Variants in FOXK1 observed in about 807,000 individuals in gnomAD.
FOXK1 encodes the protein forkhead box protein K1.
FOXK1 carries 19 observed loss-of-function variants against 51.9 expected under a neutral mutation model. The ratio of observed to expected loss-of-function variants is 0.37; its 90% confidence interval spans 0.26 to 0.54. The LOEUF (loss-of-function observed/expected upper bound fraction) is 0.54, where lower values mean the gene tolerates loss of function less well. Among genes scored for constraint, FOXK1 ranks in the 20% least tolerant of loss-of-function variants. The pLI, the probability that FOXK1 is intolerant of heterozygous loss-of-function variation, is 0.87. For missense variants in FOXK1, 870 were observed against 1,032.7 expected (o/e 0.84, Z 2.16); for synonymous variants, 537 against 482.6 (o/e 1.11, Z -1.48).
rs532363534 is a variant in FOXK1 at position 4,762,564 on chromosome 7, C to T, written c.*100C>T. 2 of 1,256,030 alleles carry T rather than the reference C, an allele frequency of 1.6e-6. No homozygotes were observed. Among genetic ancestry groups the T allele is most frequent in the East Asian group, 2.6e-5 (1 of 39,012 alleles). The allele number at this position is 1,256,030 out of a possible 1,614,324, so 77.8% of individuals were successfully genotyped here. On this transcript the variant is annotated 3_prime_UTR_variant, in exon 9 of 9. Coordinates refer to ENST00000328914, the MANE Select transcript of FOXK1 (RefSeq NM_001037165.2). The surrounding 1 kb of genome is among the most constrained non-coding windows in gnomAD (Gnocchi z 5.7). ...GCACCCACAGACGGAGGAGAACAGC[C>T]CGCGGCGGCCTGTGGGCATCGGCGG...
At chr7:4,728,153 GC>G (rs1225120475) in intron 1 of FOXK1, among the ~76,000 whole-genome samples, 3 of 152,182 alleles carry the variant, frequency 2.0e-5, no homozygotes, top group Non-Finnish European at 2.9e-5. Flanking sequence ...TCTGTTGGCA[GC>G]CCCCCGCCTC....
rs531201119 is a variant in FOXK1 at position 4,724,989 on chromosome 7, G to A, written c.561-15849G>A. 4.6e-4 allele frequency among the ~76,000 whole-genome samples: 70 copies of A among 152,324 alleles called. 1 individual carries two copies. The South Asian group carries it at 0.012, about 27-fold the overall frequency. On this transcript the variant is annotated intron_variant, in intron 1 of 8. Coordinates refer to ENST00000328914, the MANE Select transcript of FOXK1 (RefSeq NM_001037165.2). ...AGTGGGGACAGGGAGAGGAGAAGTG[G>A]GTTTGGGGGGAGCCCCGCCCTCCTA...
rs931175992 is a variant in FOXK1, at chr7:4,745,140, G to T, written c.746+4117G>T. Among the ~76,000 whole-genome samples the T allele has an allele frequency of 1.3e-5, 2 of 152,196 alleles. No individual in the cohort carries two copies. Among genetic ancestry groups the T allele is most frequent in the African/African-American group, 4.8e-5 (2 of 41,446 alleles). ...CCTAACAGATCGGGAGGTGGGAGCGGGGCCAGGCCAGAAGAGCTGGCTGCC... is the reference window on the plus strand; with the variant it reads ...CCTAACAGATCGGGAGGTGGGAGCGTGGCCAGGCCAGAAGAGCTGGCTGCC... On this transcript the variant is annotated intron_variant, in intron 2 of 8. Coordinates refer to ENST00000328914, the MANE Select transcript of FOXK1 (RefSeq NM_001037165.2). The surrounding 1 kb of genome is among the most constrained non-coding windows in gnomAD (Gnocchi z 4.3).
rs889195867 is a variant in FOXK1 at position 4,730,030 on chromosome 7, G to A, written c.561-10808G>A. Reference sequence around the variant, plus strand: ...AAAAAGAAAAGGAAAAAGAAAGCCCGGCTTCGGTCAGACCGTTGTCTGCGT... The same window carrying A: ...AAAAAGAAAAGGAAAAAGAAAGCCCAGCTTCGGTCAGACCGTTGTCTGCGT... On this transcript the variant is annotated intron_variant, in intron 1 of 8. Coordinates refer to ENST00000328914, the MANE Select transcript of FOXK1 (RefSeq NM_001037165.2). This position sits in a 1 kb window ranked among gnomAD's most constrained non-coding sequence, Gnocchi z 4.7. Among the ~76,000 whole-genome samples the A allele has an allele frequency of 2.6e-5, 4 of 152,240 alleles. No individual in the cohort carries two copies. The South Asian group carries it at 6.2e-4, about 24-fold the overall frequency.
In FOXK1 at chr7:4,767,647, G is replaced by C. The variant is rs964346110; in HGVS notation, c.*5183G>C. On this transcript the variant is annotated 3_prime_UTR_variant, in exon 9 of 9. Transcript: ENST00000328914. This position sits in a 1 kb window ranked among gnomAD's most constrained non-coding sequence, Gnocchi z 6.6. The stretch of plus-strand genomic sequence containing the variant: ...AATATAACAAATGGTCTCTCGCCCG[G>C]TTCTGTCCCTTATTTTTAGATTGTT... 3.3e-5 allele frequency: 5 copies of C among 152,138 alleles called. No homozygotes were observed. The highest frequency in any genetic ancestry group is 1.2e-4 in the African/African-American group (5 of 41,428). The allele number at this position is 152,138 out of a possible 1,614,324, so 9.4% of individuals were successfully genotyped here.
chr7:4,759,337 A>G lies in FOXK1; in HGVS notation c.1438A>G (p.Ile480Val). 2 of 1,601,748 alleles carry G rather than the reference A, an allele frequency of 1.2e-6. No homozygotes were observed. Among genetic ancestry groups the G allele is most frequent in the Non-Finnish European group, 1.7e-6 (2 of 1,178,760 alleles). Reference sequence around the variant, plus strand: ...CTCCCCCGTCAGCGCCCAGCCAGTGATCATGGCCGTGCCTCCCCGACCGTC... The same window carrying G: ...CTCCCCCGTCAGCGCCCAGCCAGTGGTCATGGCCGTGCCTCCCCGACCGTC... ...PGSPVSAQPV[I>V]MAVPPRPSSL... is the part of the protein sequence containing the mutation. The change falls in exon 7 of 9, where the codon ATC (isoleucine) becomes GTC (valine). Residue 480 changes from isoleucine to valine, a missense_variant. Around this residue, in one of 3 missense-constraint regions of FOXK1, gnomAD observed 457 missense variants for 510.8 expected, o/e 0.89. Coordinates refer to ENST00000328914, the MANE Select transcript of FOXK1 (RefSeq NM_001037165.2).
At chr7:4,684,546 C>T (rs1258529105) in intron 1 of FOXK1, among the ~76,000 whole-genome samples, 1 of 152,116 alleles carries the variant, frequency 6.6e-6, no homozygotes, top group Non-Finnish European at 1.5e-5. Flanking sequence ...TTGTTCTTTG[C>T]CTCAGATATT....
At position 4,729,138 on chromosome 7, in the gene FOXK1, G is replaced by A. The variant is rs772098014; in HGVS notation, c.561-11700G>A. Among the ~76,000 whole-genome samples the A allele has an allele frequency of 2.6e-5, 4 of 152,318 alleles. No individual in the cohort carries two copies. The highest frequency in any genetic ancestry group is 4.4e-5 in the Non-Finnish European group (3 of 68,036). On this transcript the variant is annotated intron_variant, in intron 1 of 8. Transcript: ENST00000328914. The surrounding 1 kb of genome is among the most constrained non-coding windows in gnomAD (Gnocchi z 6.2). ...CTTAAAGAGCCTAGTCCATCTTTACGCGGTCTTTTTACGTCTGTTTAAGCC... is the reference window on the plus strand; with the variant it reads ...CTTAAAGAGCCTAGTCCATCTTTACACGGTCTTTTTACGTCTGTTTAAGCC...
rs115529789 is a variant in FOXK1, at chr7:4,707,649, C to G, written c.560+24781C>G. Among the ~76,000 whole-genome samples, 1,031 of 151,282 alleles carry G rather than the reference C, an allele frequency of 6.8e-3. 18 individuals carry two copies. The highest frequency in any genetic ancestry group is 0.024 in the African/African-American group (1,002 of 41,070). On this transcript the variant is annotated intron_variant, in intron 1 of 8. Coordinates refer to ENST00000328914, the MANE Select transcript of FOXK1 (RefSeq NM_001037165.2). The surrounding 1 kb of genome is among the most constrained non-coding windows in gnomAD (Gnocchi z 4.1). ...AGTTGGCGTGTTCCCCGGTGCCATT[C>G]GTATCTGATTCATGCGTGTGCGACC...
At chr7:4,719,410 G>T (rs1265001616) in intron 1 of FOXK1, among the ~76,000 whole-genome samples, 1 of 152,202 alleles carries the variant, frequency 6.6e-6, no homozygotes, top group Non-Finnish European at 1.5e-5. Context: ...AACGTGCTGG[G>T]ATTACAGGTG....
rs1297233979 is a variant in FOXK1 at position 4,735,305 on chromosome 7, C to A, written c.561-5533C>A. ...GGAAAAACCCAGGGCTGGAGTAGAC[C>A]CTCAGTGTGGGAGCTTTTGGGCAAG... On this transcript the variant is annotated intron_variant, in intron 1 of 8. Transcript: ENST00000328914. The surrounding 1 kb of genome is among the most constrained non-coding windows in gnomAD (Gnocchi z 4.7). Among the ~76,000 whole-genome samples, 1 of 152,156 alleles carries A rather than the reference C, an allele frequency of 6.6e-6. No homozygotes were observed. The highest frequency in any genetic ancestry group is 2.4e-5 in the African/African-American group (1 of 41,426).
intron 1 of FOXK1, among the ~76,000 whole-genome samples, chr7:4,736,644 C>A (rs1780555767): frequency 6.6e-6 from 1 of 152,118 alleles, no homozygotes; most frequent in African/African-American, 2.4e-5. Context: ...GAACTCCTGA[C>A]CTCAGGTGAT....
chr7:4,710,875 G>C (rs1780165588), intron 1 of FOXK1, among the ~76,000 whole-genome samples: 1 of 152,096 alleles, frequency 6.6e-6, no homozygotes, highest in African/African-American at 2.4e-5. Flanking sequence ...TTTCCCATTT[G>C]TTTTCAGCTT....
chr7:4,709,537 G>A lies in FOXK1; in HGVS notation c.560+26669G>A, dbSNP rs1423803959. ...TCGAGGCTGGCCCGTGACCGGGGCA[G>A]GCGGACCTTCTCCGGGAGCCCTGTG... On this transcript the variant is annotated intron_variant, in intron 1 of 8. Transcript: ENST00000328914. This position sits in a 1 kb window ranked among gnomAD's most constrained non-coding sequence, Gnocchi z 5.6. Among the ~76,000 whole-genome samples, 2 of 152,238 alleles carry A rather than the reference G, an allele frequency of 1.3e-5. No individual in the cohort carries two copies. Among genetic ancestry groups the A allele is most frequent in the African/African-American group, 4.8e-5 (2 of 41,470 alleles).
rs1044917216 is a variant in FOXK1, at chr7:4,711,422, C to T, written c.560+28554C>T. On this transcript the variant is annotated intron_variant, in intron 1 of 8. Transcript: ENST00000328914. This position sits in a 1 kb window ranked among gnomAD's most constrained non-coding sequence, Gnocchi z 6.3. ...GCCGCCAGCTCTCCCTGGAGTGATT[C>T]CTGGATGTTGAGGAGGGAGAGATCT... Among the ~76,000 whole-genome samples, 4 of 152,008 alleles carry T rather than the reference C, an allele frequency of 2.6e-5. No individual in the cohort carries two copies. The highest frequency in any genetic ancestry group is 5.9e-5 in the Non-Finnish European group (4 of 68,000).
At chr7:4,721,886 C>T (rs1395225705) in intron 1 of FOXK1, among the ~76,000 whole-genome samples, 6 of 152,172 alleles carry the variant, frequency 3.9e-5, no homozygotes, top group South Asian at 2.1e-4. Context: ...CCACCACGCC[C>T]GGCCTGTTTT....
At chr7:4,696,768 C>T (rs938680436) in intron 1 of FOXK1, among the ~76,000 whole-genome samples, 1 of 152,080 alleles carries the variant, frequency 6.6e-6, no homozygotes, top group African/African-American at 2.4e-5. Flanking sequence ...GAATGGTGGG[C>T]AGAAAATGCC....
rs1447782444 is a variant in FOXK1 at position 4,740,927 on chromosome 7, C to T, written c.650C>T (p.Pro217Leu). The change falls in exon 2 of 9, where the codon CCA (proline) becomes CTA (leucine). Residue 217 changes from proline to leucine, a missense_variant. Pro to Leu is a moderately conservative substitution (Grantham distance 98). This residue lies in a region of FOXK1 where 399 missense variants were observed against 475.6 expected (regional missense o/e 0.84). Coordinates refer to ENST00000328914, the MANE Select transcript of FOXK1 (RefSeq NM_001037165.2). Reference sequence around the variant, plus strand: ...GAGGCCCCAGCCTCCCCGCTGCGGCCACTGTACCCCCAGATCTCCCCTCTG... The same window carrying T: ...GAGGCCCCAGCCTCCCCGCTGCGGCTACTGTACCCCCAGATCTCCCCTCTG... The part of the protein sequence containing the change: ...KEEAPASPLR[P>L]LYPQISPLKI... 1 of 1,586,916 alleles carries T rather than the reference C, an allele frequency of 6.3e-7. No homozygotes were observed. The highest frequency in any genetic ancestry group is 8.6e-7 in the Non-Finnish European group (1 of 1,168,450).
Position 4,749,293 on chromosome 7 carries a change from C to A in FOXK1, c.747-5166C>A, listed in dbSNP as rs185175708. ...CTCCCGTAGGCTTCCCTGGGTCCCT[C>A]TTCTCTTCTGTTTTGCACCATGTTC... On this transcript the variant is annotated intron_variant, in intron 2 of 8. Transcript: ENST00000328914. The surrounding 1 kb of genome is among the most constrained non-coding windows in gnomAD (Gnocchi z 6.0). Among the ~76,000 whole-genome samples the A allele has an allele frequency of 2.6e-5, 4 of 152,208 alleles. No individual in the cohort carries two copies. Among genetic ancestry groups the A allele is most frequent in the Admixed American group, 2.6e-4 (4 of 15,282 alleles).
Sources: allele counts gnomAD v4.1 joint callset (sites outside exome capture counted in the v4.1 genomes callset), GRCh38; gene constraint gnomAD v4.1.1; regional missense constraint gnomAD v4.1.1; non-coding constraint Gnocchi (gnomAD v3.1); transcripts MANE v1.5; gene names NCBI Gene and HGNC (gene_info 2026-07-23, HGNC 2026-07-21).